Variants in MOCS1 observed in about 807,000 individuals in gnomAD.
The protein encoded by MOCS1 is molybdenum cofactor synthesis 1, also known as molybdenum cofactor biosynthesis protein 1.
In MOCS1, 39 loss-of-function variants were observed where a neutral mutation model predicts 57.6. That is an observed-to-expected ratio of 0.68 (90% CI 0.52 to 0.88). The LOEUF is 0.88. Ranked by LOEUF, MOCS1 falls within the 40% of genes least tolerant of loss-of-function variation. MOCS1 has a pLI of 0.00. For synonymous variants in MOCS1, 334 were observed against 335.7 expected, an observed-to-expected ratio of 1.00 and a Z score of 0.05; for missense variants, 795 against 831.1, an observed-to-expected ratio of 0.96 and a Z score of 0.53.
At chr6:39,918,121 G>A (rs1314623749) in intron 3 of MOCS1, among the ~76,000 whole-genome samples, 1 of 152,110 alleles carries the variant, frequency 6.6e-6, no homozygotes, top group African/African-American at 2.4e-5. Context: ...GATAATGTGG[G>A]TGACACACAT....
intron 1 of MOCS1, among the ~76,000 whole-genome samples, chr6:39,934,073 G>A (rs573649732): frequency 6.6e-6 from 1 of 152,246 alleles, no homozygotes; most frequent in African/African-American, 2.4e-5. Context: ...CGTGGCTGGG[G>A]GGCAGGGAGG....
chr6:39,908,262 T>G (rs1767077969), intron 10 of MOCS1, among the ~76,000 whole-genome samples: 1 of 152,216 alleles, frequency 6.6e-6, no homozygotes, highest in Admixed American at 6.5e-5. Flanking sequence ...CTCTCATCTT[T>G]TCTCCCCCCT....
chr6:39,904,775 T>C lies in MOCS1; in HGVS notation c.*1582A>G, dbSNP rs929012656. 2 of 454,044 alleles carry C rather than the reference T, an allele frequency of 4.4e-6. No homozygotes were observed. The highest frequency in any genetic ancestry group is 8.8e-6 in the Non-Finnish European group (2 of 226,806). 28.1% of individuals were successfully genotyped at this position (454,044 alleles called of 1,614,324 possible). ...TGCCTCAGATGACAAATGAGGCTAA[T>C]GGACATAATCTACAGTGTCCTTTTT... On this transcript the variant is annotated 3_prime_UTR_variant, in exon 11 of 11. Coordinates refer to ENST00000340692, the MANE Select transcript of MOCS1 (RefSeq NM_001358530.2).
At chr6:39,925,067 G>A (rs781185474) in intron 3 of MOCS1, among the ~76,000 whole-genome samples, 6 of 152,172 alleles carry the variant, frequency 3.9e-5, no homozygotes, top group Non-Finnish European at 5.9e-5. Flanking sequence ...GTGACAGAGC[G>A]AGACTCTATC....
In MOCS1 at chr6:39,906,306, A is replaced by G. The variant is rs778372042; in HGVS notation, c.*51T>C. 5 of 1,596,670 alleles carry G rather than the reference A, an allele frequency of 3.1e-6. No individual in the cohort carries two copies. Among genetic ancestry groups the G allele is most frequent in the South Asian group, 2.2e-5 (2 of 90,438 alleles). On this transcript the variant is annotated 3_prime_UTR_variant, in exon 11 of 11. Coordinates refer to ENST00000340692, the MANE Select transcript of MOCS1 (RefSeq NM_001358530.2). ...ACCTGACGTCTTTCCCTCAGCCTAC[A>G]TTGCATCCCAGCTCCAGGCCTGGGT...
At position 39,913,780 on chromosome 6, in the gene MOCS1, A is replaced by C. The variant is rs1260936028; in HGVS notation, c.639T>G (p.Pro213=). ...GGCAGGGGCACGGCCTCACCTTCACAGGGTTGTAGCCCAGCTCGATGGCCT... is the reference window on the plus strand; with the variant it reads ...GGCAGGGGCACGGCCTCACCTTCACCGGGTTGTAGCCCAGCTCGATGGCCT... The part of the protein sequence containing the change: ...IHKAIELGYN[P]VKVNCVVMRG... Residue 213 remains proline, a synonymous_variant, in exon 5 of 11, where the codon CCT becomes CCG. Coordinates refer to ENST00000340692, the MANE Select transcript of MOCS1 (RefSeq NM_001358530.2). The C allele has an allele frequency of 1.9e-6, 3 of 1,614,056 alleles. No homozygotes were observed. The highest frequency in any genetic ancestry group is 2.7e-5 in the African/African-American group (2 of 74,934).
In MOCS1 at chr6:39,934,385, C is replaced by T. The variant is rs958923547; in HGVS notation, c.33G>A (p.Arg11=). The T allele has an allele frequency of 5.8e-6, 9 of 1,561,920 alleles. No individual in the cohort carries two copies. In the African/African-American group the frequency reaches 8.1e-5, roughly 14 times the overall value. The change falls in exon 1 of 11, where the codon CGG becomes CGA. Residue 11 remains arginine, a synonymous_variant. Transcript: ENST00000340692. MAARPLSRML[R]RLLRSSARSC... is the part of the protein sequence containing the mutation. ...TCCGGGCGCTGGACCTCAGAAGCCGCCGCAGCATCCGGGACAGTGGCCGCG... is the reference window on the plus strand; with the variant it reads ...TCCGGGCGCTGGACCTCAGAAGCCGTCGCAGCATCCGGGACAGTGGCCGCG...
chr6:39,913,136 C>T, intron 6 of MOCS1, 132 bp from the exon 7 acceptor site: 1 of 918,124 alleles, frequency 1.1e-6, no homozygotes. Flanking sequence ...GGGACGGGGG[C>T]TCTGCCTAAA....
At position 39,906,918 on chromosome 6, in the gene MOCS1, A is replaced by C; in HGVS notation, c.1350T>G (p.Thr450=). 6.2e-7 allele frequency: 1 copy of C among 1,614,130 alleles called. No homozygotes were observed. The highest frequency in any genetic ancestry group is 1.1e-5 in the South Asian group (1 of 91,074). ...LGSGSFQRHY[T]SRADSDANSK... ...AGTTGGCATCTGAGTCTGCACGGGA[A>C]GTGTAGTGTCTCTGAAAGGAGCCAG... Residue 450 remains threonine (T), a synonymous_variant, in exon 11 of 11, where the codon ACT becomes ACG. Transcript: ENST00000340692.
chr6:39,918,182 C>G (rs1486192140), intron 3 of MOCS1, among the ~76,000 whole-genome samples: 2 of 152,346 alleles, frequency 1.3e-5, no homozygotes, highest in Non-Finnish European at 2.9e-5. Context: ...TGGACAGTGC[C>G]ACTGACTACA....
At chr6:39,928,590 G>A (rs748827479) in intron 1 of MOCS1, among the ~76,000 whole-genome samples, 4 of 152,174 alleles carry the variant, frequency 2.6e-5, no homozygotes, top group Non-Finnish European at 5.9e-5. Context: ...CACGACCCTG[G>A]AAGTCATGCA....
At chr6:39,933,997 T>C (rs1199270029) in intron 1 of MOCS1, among the ~76,000 whole-genome samples, 1 of 152,058 alleles carries the variant, frequency 6.6e-6, no homozygotes, top group Non-Finnish European at 1.5e-5. Context: ...GACACCTCAC[T>C]GGACCCAAAG....
chr6:39,930,582 G>GTA (rs1768595191), intron 1 of MOCS1, among the ~76,000 whole-genome samples: 1 of 152,166 alleles, frequency 6.6e-6, no homozygotes, highest in African/African-American at 2.4e-5. Flanking sequence ...GTTTAACCTG[G>GTA]TATAGTGGTT....
chr6:39,908,447 C>A (rs1336344096), intron 10 of MOCS1, among the ~76,000 whole-genome samples: 2 of 152,110 alleles, frequency 1.3e-5, no homozygotes, highest in African/African-American at 4.8e-5. Context: ...GACTTAAAAC[C>A]AGGGGGCTTT....
rs116035280 is a variant in MOCS1, at chr6:39,916,196, C to T, written c.455G>A (p.Gly152Asp). The stretch of plus-strand genomic sequence containing the variant: ...CAGGTTGATGCCATTGGTGGTAACA[C>T]CTATGGTTCTCAGCCCTTCCAGCCG... ...LQRLEGLRTIGVTTNGINLAR... is the reference protein window; with the variant it reads ...LQRLEGLRTIDVTTNGINLAR... Residue 152 changes from glycine (G) to aspartate (D), a missense_variant, in exon 4 of 11, where the codon GGT becomes GAT. Physicochemically the swap from Gly to Asp is moderately conservative, Grantham distance 94. Coordinates refer to ENST00000340692, the MANE Select transcript of MOCS1 (RefSeq NM_001358530.2). 2.5e-4 allele frequency: 398 copies of T among 1,613,936 alleles called. 2 individuals carry two copies. The African/African-American group carries it at 4.6e-3, about 19-fold the overall frequency.
Position 39,904,415 on chromosome 6 carries a change from G to A in MOCS1, c.*1942C>T, listed in dbSNP as rs764671362. 1.3e-5 allele frequency: 6 copies of A among 455,316 alleles called. No homozygotes were observed. Among genetic ancestry groups the A allele is most frequent in the Non-Finnish European group, 2.6e-5 (6 of 226,988 alleles). The allele number at this position is 455,316 out of a possible 1,614,324, so 28.2% of individuals were successfully genotyped here. On this transcript the variant is annotated 3_prime_UTR_variant, in exon 11 of 11. Transcript: ENST00000340692. The stretch of plus-strand genomic sequence containing the variant: ...GCTGGTGCCCAGTCGGGGTGGCTGA[G>A]CTGGTCCTTAATAGGTTGTTTCTTG...
Position 39,906,515 on chromosome 6 carries a change from C to T in MOCS1, c.1753G>A (p.Gly585Ser). The T allele has an allele frequency of 1.9e-6, 3 of 1,614,006 alleles. No individual in the cohort carries two copies. Among genetic ancestry groups the T allele is most frequent in the Non-Finnish European group, 1.7e-6 (2 of 1,180,048 alleles). ...GCCTCCATCTCCACCCCGGTGGGGC[C>T]CCGAGCCCGGCAAGATGCCTGGATC... ...VKIQASCRARGPTGVEMEALT... is the reference protein window; with the variant it reads ...VKIQASCRARSPTGVEMEALT... Residue 585 changes from glycine to serine, a missense_variant, in exon 11 of 11, where the codon GGC becomes AGC. Gly to Ser is a moderately conservative substitution (Grantham distance 56, BLOSUM62 0). Transcript: ENST00000340692.
At chr6:39,909,182 G>A (rs1372367276) in intron 9 of MOCS1, 80 bp from the exon 10 acceptor site, 6 of 471,196 alleles carry the variant, frequency 1.3e-5, no homozygotes, top group Non-Finnish European at 2.4e-5. Context: ...GGGGGAGAGG[G>A]AGAGGAAAGC....
In MOCS1 at chr6:39,906,705, A is replaced by G. The variant is rs997579355; in HGVS notation, c.1563T>C (p.Leu521=). Residue 521 remains leucine, a synonymous_variant, in exon 11 of 11, where the codon CTT becomes CTC. Coordinates refer to ENST00000340692, the MANE Select transcript of MOCS1 (RefSeq NM_001358530.2). The part of the protein sequence containing the change: ...VVLLGPVAFK[L]VQQNQLKKGD... The stretch of plus-strand genomic sequence containing the variant: ...CTTTCTTGAGCTGGTTCTGCTGGAC[A>G]AGCTTGAAGGCTACCGGTCCCAGGA... 6 of 1,614,054 alleles carry G rather than the reference A, an allele frequency of 3.7e-6. No individual in the cohort carries two copies. Among genetic ancestry groups the G allele is most frequent in the African/African-American group, 1.3e-5 (1 of 74,940 alleles).
Sources: gnomAD v4.1 joint callset for allele counts (sites outside exome capture counted in the v4.1 genomes callset) on GRCh38, gnomAD v4.1.1 for gene constraint, MANE v1.5 for transcripts, NCBI Gene and HGNC (gene_info 2026-07-23, HGNC 2026-07-21) for gene names.